The following SLC39A9 variants were observed in gnomAD, a reference collection of about 807,000 sequenced individuals.
SLC39A9 encodes the protein zinc transporter ZIP9.
SLC39A9 carries 14 observed loss-of-function variants against 28.4 expected under a neutral mutation model. The observed-to-expected ratio is 0.49, with a 90% CI of 0.33 to 0.77. The LOEUF is 0.77. Ranked by LOEUF, SLC39A9 falls within the 30% of genes least tolerant of loss-of-function variation. The pLI, the probability that SLC39A9 is intolerant of heterozygous loss-of-function variation, is 0.02. For synonymous variants in SLC39A9, 119 were observed against 149.6 expected (o/e 0.80, Z 1.49); for missense variants, 283 against 381.1 (o/e 0.74, Z 2.14).
rs375326640 is a variant in SLC39A9 at position 69,461,302 on chromosome 14, A to G, written c.*2709A>G. 7.1e-5 allele frequency: 72 copies of G among 1,009,756 alleles called. No individual in the cohort carries two copies. The East Asian group carries it at 5.2e-3, about 72-fold the overall frequency. The allele number at this position is 1,009,756 out of a possible 1,614,324, so 62.5% of individuals were successfully genotyped here. A position where few individuals can be genotyped will look rare whatever the true frequency, so the allele number is the denominator to read the frequency against. ...TAAATGGCAAATTAAGTTAAAGAATACTACTGCTCCATTCCCCTCACTTAT... is the reference window on the plus strand; with the variant it reads ...TAAATGGCAAATTAAGTTAAAGAATGCTACTGCTCCATTCCCCTCACTTAT... On this transcript the variant is annotated 3_prime_UTR_variant, in exon 7 of 7. Transcript: ENST00000336643.
In SLC39A9 at chr14:69,453,327, T is replaced by G. The variant is rs1306031535; in HGVS notation, c.472+18T>G. On this transcript the variant is annotated intron_variant, in intron 4 of 6. Transcript: ENST00000336643. ...TGCTGCAGGTAGGGTTGGATTGCAG[T>G]GGAACTTCTTTGTTTTCTATCGCAC... 1 of 1,612,020 alleles carries G rather than the reference T, an allele frequency of 6.2e-7. No homozygotes were observed. The highest frequency in any genetic ancestry group is 8.5e-7 in the Non-Finnish European group (1 of 1,178,172).
chr14:69,455,952 C>T, intron 6 of SLC39A9, 86 bp downstream of exon 6: 1 of 1,477,776 alleles, frequency 6.8e-7, no homozygotes, highest in Non-Finnish European at 9.2e-7. Flanking sequence ...TTTTCCAATA[C>T]ATTACTCTCT....
chr14:69,410,717 A>G (rs969487606), intron 1 of SLC39A9, among the ~76,000 whole-genome samples: 2 of 152,334 alleles, frequency 1.3e-5, no homozygotes, highest in South Asian at 4.1e-4. Context: ...AATATGGGGG[A>G]AAACTTTGTT....
In SLC39A9 at chr14:69,458,676, T is replaced by C. The variant is rs1275939669; in HGVS notation, c.*83T>C. On this transcript the variant is annotated 3_prime_UTR_variant, in exon 7 of 7. Coordinates refer to ENST00000336643, the MANE Select transcript of SLC39A9 (RefSeq NM_018375.5). ...ACGTGACAGCTACTCACTTCCTCAGTCTCTTGTCTCACCTTGCGCATCTCT... is the reference window on the plus strand; with the variant it reads ...ACGTGACAGCTACTCACTTCCTCAGCCTCTTGTCTCACCTTGCGCATCTCT... 4.8e-6 allele frequency: 7 copies of C among 1,466,980 alleles called. No homozygotes were observed. Among genetic ancestry groups the C allele is most frequent in the African/African-American group, 4.2e-5 (3 of 71,020 alleles). The allele number at this position is 1,466,980 out of a possible 1,614,324, so 90.9% of individuals were successfully genotyped here. A position where few individuals can be genotyped will look rare whatever the true frequency, so the allele number is the denominator to read the frequency against.
intron 3 of SLC39A9, among the ~76,000 whole-genome samples, chr14:69,449,039 A>G (rs1885477153): frequency 6.6e-6 from 1 of 152,180 alleles, no homozygotes; most frequent in African/African-American, 2.4e-5. Context: ...ATTATTTCCA[A>G]ATTAGAGTTT....
intron 5 of SLC39A9, among the ~76,000 whole-genome samples, chr14:69,455,173 T>C (rs952406367): frequency 6.6e-6 from 1 of 152,196 alleles, no homozygotes. Context: ...TTCAAAAGTA[T>C]TTTTCTTTTC....
At chr14:69,403,422 G>A (rs1882744076) in intron 1 of SLC39A9, among the ~76,000 whole-genome samples, 1 of 152,176 alleles carries the variant, frequency 6.6e-6, no homozygotes, top group Admixed American at 6.5e-5. Context: ...TTGTCACAGA[G>A]CTGGTAACAG....
chr14:69,408,003 G>T (rs1166257299), intron 1 of SLC39A9, among the ~76,000 whole-genome samples: 1 of 151,384 alleles, frequency 6.6e-6, no homozygotes, highest in East Asian at 2.0e-4. Flanking sequence ...GCTTTTATAG[G>T]TATTCCTTTT....
intron 3 of SLC39A9, among the ~76,000 whole-genome samples, chr14:69,443,174 A>G (rs1383355530): frequency 6.6e-6 from 1 of 152,256 alleles, no homozygotes; most frequent in African/African-American, 2.4e-5. Context: ...ATAGAAATAA[A>G]TTTGAGAGTT....
chr14:69,406,771 T>G (rs1487499352), intron 1 of SLC39A9, among the ~76,000 whole-genome samples: 1 of 151,794 alleles, frequency 6.6e-6, no homozygotes, highest in Non-Finnish European at 1.5e-5. Flanking sequence ...ATCTCAGTCT[T>G]CCTTGAATAC....
At position 69,435,097 on chromosome 14, in the gene SLC39A9, C is replaced by T. The variant is rs533141017; in HGVS notation, c.206-6972C>T. Among the ~76,000 whole-genome samples the T allele has an allele frequency of 5.8e-4, 88 of 152,224 alleles. 1 individual carries two copies. The highest frequency in any genetic ancestry group is 2.0e-3 in the African/African-American group (85 of 41,540). On this transcript the variant is annotated intron_variant, in intron 2 of 6. Transcript: ENST00000336643. ...TAAATTTCAAGTCAAGTTGTTTGGTCTTCTATATCTTTGCTGATTTTCTGC... is the reference window on the plus strand; with the variant it reads ...TAAATTTCAAGTCAAGTTGTTTGGTTTTCTATATCTTTGCTGATTTTCTGC...
chr14:69,406,099 A>T (rs915120275), intron 1 of SLC39A9, among the ~76,000 whole-genome samples: 2 of 152,206 alleles, frequency 1.3e-5, no homozygotes, highest in Admixed American at 6.5e-5. Flanking sequence ...TGAAAATAGG[A>T]TCTACCTAAA....
chr14:69,412,090 T>G (rs909461422), intron 1 of SLC39A9, among the ~76,000 whole-genome samples: 13 of 151,506 alleles, frequency 8.6e-5, no homozygotes, highest in Non-Finnish European at 1.9e-4. Context: ...CTATGGCCCT[T>G]TATTAAATGT....
chr14:69,449,502 G>A (rs1885501849), intron 3 of SLC39A9, among the ~76,000 whole-genome samples: 2 of 152,146 alleles, frequency 1.3e-5, no homozygotes, highest in African/African-American at 2.4e-5. Flanking sequence ...GCATGTGCCT[G>A]TAATCCCAGT....
At chr14:69,445,229 T>C (rs1424399457) in intron 3 of SLC39A9, among the ~76,000 whole-genome samples, 2 of 152,076 alleles carry the variant, frequency 1.3e-5, no homozygotes, top group Non-Finnish European at 2.9e-5. Flanking sequence ...TGGCTGCCTC[T>C]CCTGCCCCCC....
intron 2 of SLC39A9, among the ~76,000 whole-genome samples, chr14:69,428,239 G>A (rs1015023132): frequency 2.7e-5 from 4 of 149,792 alleles, no homozygotes; most frequent in African/African-American, 9.9e-5. Flanking sequence ...ATTGTGCCAT[G>A]CACCCCATCC....
intron 3 of SLC39A9, among the ~76,000 whole-genome samples, chr14:69,446,972 A>AGC (rs1225993993): frequency 3.3e-5 from 5 of 151,246 alleles, no homozygotes; most frequent in African/African-American, 1.2e-4. Flanking sequence ...AGAGAGCGAG[A>AGC]GAGAGAGAGA....
chr14:69,449,887 T>G (rs1229613836), intron 3 of SLC39A9, among the ~76,000 whole-genome samples: 2 of 151,852 alleles, frequency 1.3e-5, no homozygotes, highest in African/African-American at 2.4e-5. Context: ...GAGTGTTTGC[T>G]TATGCAAGAA....
intron 3 of SLC39A9, among the ~76,000 whole-genome samples, chr14:69,451,083 T>TA (rs202244169): frequency 1.3e-5 from 2 of 152,178 alleles, no homozygotes; most frequent in Non-Finnish European, 2.9e-5. Flanking sequence ...AGCCTTTGTA[T>TA]AAAAAAAGGC....
Sources: gnomAD v4.1 joint callset for allele counts (sites outside exome capture counted in the v4.1 genomes callset) on GRCh38, gnomAD v4.1.1 for gene constraint, MANE v1.5 for transcripts, NCBI Gene and HGNC (gene_info 2026-07-23, HGNC 2026-07-21) for gene names.